Variants in GID8 observed in about 807,000 individuals in gnomAD.
GID8 encodes glucose-induced degradation protein 8 homolog.
A neutral mutation model predicts 27.4 loss-of-function variants in GID8; 6 were observed. That is an observed-to-expected ratio of 0.22 (90% CI 0.12 to 0.43). The LOEUF (loss-of-function observed/expected upper bound fraction) is 0.43, where lower values mean the gene tolerates loss of function less well. GID8 is among the 20% of genes least tolerant of loss of function. The pLI is 1.00. For missense variants in GID8, 173 were observed against 287.6 expected (o/e 0.60, Z 2.88); for synonymous variants, 112 against 109.0 (o/e 1.03, Z -0.17).
rs1033585675 is a variant in GID8 at position 62,948,288 on chromosome 20, C to T, written c.*3376C>T. 6.6e-6 allele frequency: 1 copy of T among 152,202 alleles called. No homozygotes were observed. Among genetic ancestry groups the T allele is most frequent in the African/African-American group, 2.4e-5 (1 of 41,448 alleles). 9.4% of individuals were successfully genotyped at this position (152,202 alleles called of 1,614,324 possible). ...TCATATTTTTTGCAAATTGTATTGT[C>T]AACATGGGTCATTTAAAGTCCTGTA... On this transcript the variant is annotated 3_prime_UTR_variant, in exon 5 of 5. Transcript: ENST00000266069.
At position 62,946,811 on chromosome 20, in the gene GID8, T is replaced by C. The variant is rs2147635873; in HGVS notation, c.*1899T>C. On this transcript the variant is annotated 3_prime_UTR_variant, in exon 5 of 5. Coordinates refer to ENST00000266069, the MANE Select transcript of GID8 (RefSeq NM_017896.3). ...TATAGCAGAAGCTAGAAGAAAGCGG[T>C]GAGGTGAGAGAGATGCATCTGCACG... 6.6e-6 allele frequency: 1 copy of C among 152,294 alleles called. No homozygotes were observed. The highest frequency in any genetic ancestry group is 2.4e-5 in the African/African-American group (1 of 41,566). The allele number at this position is 152,294 out of a possible 1,614,324, so 9.4% of individuals were successfully genotyped here. A position where few individuals can be genotyped will look rare whatever the true frequency, so the allele number is the denominator to read the frequency against.
rs1425189776 is a variant in GID8, at chr20:62,945,509, GT to G, written c.*603del. On this transcript the variant is annotated 3_prime_UTR_variant, in exon 5 of 5. Coordinates refer to ENST00000266069, the MANE Select transcript of GID8 (RefSeq NM_017896.3). ...GGGGATGCGTGTGAGGGGGCTATGT[GT>G]TTTTTAATTTTTTAAATATATATTT... 3 of 1,046,186 alleles carry G rather than the reference GT, an allele frequency of 2.9e-6. No homozygotes were observed. The highest frequency in any genetic ancestry group is 9.3e-4 in the Middle Eastern group (2 of 2,148). The allele number at this position is 1,046,186 out of a possible 1,614,324, so 64.8% of individuals were successfully genotyped here.
At chr20:62,942,200 T>G (rs976082697) in intron 2 of GID8, among the ~76,000 whole-genome samples, 1 of 152,172 alleles carries the variant, frequency 6.6e-6, no homozygotes, top group Non-Finnish European at 1.5e-5. Context: ...ATGCTTATAG[T>G]CCCAGCACTT....
intron 1 of GID8, among the ~76,000 whole-genome samples, chr20:62,939,361 A>G (rs1003950750): frequency 9.9e-5 from 15 of 151,868 alleles, no homozygotes; most frequent in African/African-American, 1.5e-4. Flanking sequence ...TTCCCTATCT[A>G]CGCTCTTCCT....
In GID8 at chr20:62,943,308, A is replaced by T. The variant is rs2254953; in HGVS notation, c.315+125A>T. On this transcript the variant is annotated intron_variant, in intron 3 of 4. Coordinates refer to ENST00000266069, the MANE Select transcript of GID8 (RefSeq NM_017896.3). The surrounding 1 kb of genome is among the most constrained non-coding windows in gnomAD (Gnocchi z 4.7). ...TTATTTCAATGCATGTGAGGGGGAG[A>T]GGTTTGAGTTTGCTCTTTTATGTAG... 1 of 922,422 alleles carries T rather than the reference A, an allele frequency of 1.1e-6. No individual in the cohort carries two copies. The highest frequency in any genetic ancestry group is 1.7e-6 in the Non-Finnish European group (1 of 602,620). 57.1% of individuals were successfully genotyped at this position (922,422 alleles called of 1,614,324 possible). A position where few individuals can be genotyped will look rare whatever the true frequency, so the allele number is the denominator to read the frequency against.
rs2065462864 is a variant in GID8 at position 62,945,587 on chromosome 20, C to T, written c.*675C>T. On this transcript the variant is annotated 3_prime_UTR_variant, in exon 5 of 5. Coordinates refer to ENST00000266069, the MANE Select transcript of GID8 (RefSeq NM_017896.3). The stretch of plus-strand genomic sequence containing the variant: ...TTCCTAGTGGATCAATGAACCATCT[C>T]TTCTGGGCAGTTTTGTTGAAAATAA... The T allele has an allele frequency of 4.3e-6, 5 of 1,163,476 alleles. No homozygotes were observed. Among genetic ancestry groups the T allele is most frequent in the Middle Eastern group, 7.9e-4 (2 of 2,524 alleles). The allele number at this position is 1,163,476 out of a possible 1,614,324, so 72.1% of individuals were successfully genotyped here.
chr20:62,945,913 C>T lies in GID8; in HGVS notation c.*1001C>T. The T allele has an allele frequency of 7.8e-7, 1 of 1,289,486 alleles. No homozygotes were observed. The highest frequency in any genetic ancestry group is 1.0e-6 in the Non-Finnish European group (1 of 988,822). The allele number at this position is 1,289,486 out of a possible 1,614,324, so 79.9% of individuals were successfully genotyped here. ...AGCATCTCGGCAGCATCTCATCCTC[C>T]ATCGTCAGCTGGCTCTGCCGATGTC... On this transcript the variant is annotated 3_prime_UTR_variant, in exon 5 of 5. Coordinates refer to ENST00000266069, the MANE Select transcript of GID8 (RefSeq NM_017896.3).
rs2065469757 is a variant in GID8 at position 62,947,103 on chromosome 20, G to C, written c.*2191G>C. On this transcript the variant is annotated 3_prime_UTR_variant, in exon 5 of 5. Transcript: ENST00000266069. ...CAGCCAGTGGGTAGCTGATAAGCCA[G>C]TGCCAGCATCCAGCATGAGCAGATG... 6.6e-6 allele frequency: 1 copy of C among 152,258 alleles called. No homozygotes were observed. Among genetic ancestry groups the C allele is most frequent in the African/African-American group, 2.4e-5 (1 of 41,458 alleles). 9.4% of individuals were successfully genotyped at this position (152,258 alleles called of 1,614,324 possible).
chr20:62,944,686 C>T (rs1047412390), intron 4 of GID8, 53 bp from the exon 5 acceptor site: 21 of 1,248,350 alleles, frequency 1.7e-5, no homozygotes, highest in Non-Finnish European at 2.2e-5. Context: ...TTAATAGACT[C>T]TGCTGGTGCT....
rs1453378086 is a variant in GID8 at position 62,946,980 on chromosome 20, GTCTC to G, written c.*2071_*2074del. 1 of 152,238 alleles carries G rather than the reference GTCTC, an allele frequency of 6.6e-6. No homozygotes were observed. The highest frequency in any genetic ancestry group is 6.5e-5 in the Admixed American group (1 of 15,288). 9.4% of individuals were successfully genotyped at this position (152,238 alleles called of 1,614,324 possible). On this transcript the variant is annotated 3_prime_UTR_variant, in exon 5 of 5. Coordinates refer to ENST00000266069, the MANE Select transcript of GID8 (RefSeq NM_017896.3). ...GGTGTGAGAAGCACAGCAATAGGAA[GTCTC>G]TCCACAAACTAGGGGAACACAAATG...
rs557078316 is a variant in GID8 at position 62,938,155 on chromosome 20, A to T, written c.-111A>T. On this transcript the variant is annotated 5_prime_UTR_variant, in exon 1 of 5. Transcript: ENST00000266069. ...GCGGCCCCCACCTCTGCCTCCTTCT[A>T]CTCGGGCGCCCCGGCGGCCGCCACC... is the stretch of plus-strand genomic sequence containing the variant. 2,946 of 271,986 alleles carry T rather than the reference A, an allele frequency of 0.011. 92 individuals are homozygous for T. The highest frequency in any genetic ancestry group is 0.061 in the African/African-American group (2,740 of 44,648). The allele number at this position is 271,986 out of a possible 1,614,324, so 16.8% of individuals were successfully genotyped here.
Position 62,943,213 on chromosome 20 carries a change from G to A in GID8, c.315+30G>A. ...GTTTCAGGAGAGAGTAGTCTGGTTT[G>A]TGAATACTTGATAAGTTAAAGTTAT... On this transcript the variant is annotated intron_variant, in intron 3 of 4. Coordinates refer to ENST00000266069, the MANE Select transcript of GID8 (RefSeq NM_017896.3). This position sits in a 1 kb window ranked among gnomAD's most constrained non-coding sequence, Gnocchi z 4.7. 1 of 1,475,638 alleles carries A rather than the reference G, an allele frequency of 6.8e-7. No homozygotes were observed. 91.4% of individuals were successfully genotyped at this position (1,475,638 alleles called of 1,614,324 possible). A position where few individuals can be genotyped will look rare whatever the true frequency, so the allele number is the denominator to read the frequency against.
Position 62,944,769 on chromosome 20 carries a change from G to C in GID8, c.544G>C (p.Asp182His). Residue 182 changes from aspartate to histidine, a missense_variant, in exon 5 of 5, where the codon GAT (aspartate) becomes CAT (histidine). Physicochemically the swap from Asp to His is moderately conservative, Grantham distance 81. Transcript: ENST00000266069. ...VWSEVNQAVL[D>H]YENRESTPKL... is the part of the protein sequence containing the mutation. ...GAGTGAAGTTAACCAAGCTGTGCTA[G>C]ATTATGAAAATCGCGAGTCAACACC... 1 of 1,614,076 alleles carries C rather than the reference G, an allele frequency of 6.2e-7. No homozygotes were observed. The highest frequency in any genetic ancestry group is 8.5e-7 in the Non-Finnish European group (1 of 1,179,898).
rs1294700565 is a variant in GID8, at chr20:62,944,896, T to A, written c.671T>A (p.Ile224Asn). ...ATGACAGACCTCAGCAAGGGTGTGA[T>A]TGAGGAGCCCAAGTAGCGCCTGCGC... ...PKMTDLSKGV[I>N]EEPK Residue 224 changes from isoleucine to asparagine, a missense_variant, in exon 5 of 5, where the codon ATT (isoleucine) becomes AAT (asparagine). Transcript: ENST00000266069. The A allele has an allele frequency of 6.2e-7, 1 of 1,612,802 alleles. No homozygotes were observed. The highest frequency in any genetic ancestry group is 1.7e-5 in the Admixed American group (1 of 59,912).
At chr20:62,938,381 G>A (rs1287628884) in intron 1 of GID8, 128 bp downstream of exon 1, 1 of 151,714 alleles carries the variant, frequency 6.6e-6, no homozygotes, top group African/African-American at 2.4e-5. Flanking sequence ...CGCCGGCGCT[G>A]GCAGGTGCGG....
rs1398964025 is a variant in GID8, at chr20:62,943,860, A to G, written c.513+168A>G. 1.5e-4 allele frequency among the ~76,000 whole-genome samples: 19 copies of G among 128,838 alleles called. No homozygotes were observed. Among genetic ancestry groups the G allele is most frequent in the African/African-American group, 3.7e-4 (13 of 35,148 alleles). The allele number at this position is 128,838 out of a possible 152,430, so 84.5% of individuals were successfully genotyped here. On this transcript the variant is annotated intron_variant, in intron 4 of 4. Coordinates refer to ENST00000266069, the MANE Select transcript of GID8 (RefSeq NM_017896.3). The surrounding 1 kb of genome is among the most constrained non-coding windows in gnomAD (Gnocchi z 4.7). Reference sequence around the variant, plus strand: ...GCTTTTTTTTTTTTTTTTGGAGGTGAAGTCTTGTTCTGTCGCCCAGGCTGG... The same window carrying G: ...GCTTTTTTTTTTTTTTTTGGAGGTGGAGTCTTGTTCTGTCGCCCAGGCTGG...
rs192577220 is a variant in GID8 at position 62,946,205 on chromosome 20, G to A, written c.*1293G>A. 6 of 353,082 alleles carry A rather than the reference G, an allele frequency of 1.7e-5. No individual in the cohort carries two copies. Among genetic ancestry groups the A allele is most frequent in the Non-Finnish European group, 2.2e-5 (4 of 183,860 alleles). The allele number at this position is 353,082 out of a possible 1,614,324, so 21.9% of individuals were successfully genotyped here. On this transcript the variant is annotated 3_prime_UTR_variant, in exon 5 of 5. Coordinates refer to ENST00000266069, the MANE Select transcript of GID8 (RefSeq NM_017896.3). Reference sequence around the variant, plus strand: ...TTTGGAGCCAGTGGAGCCTGCCGGCGCATCTGAGGGGCAGAATGCTGCTAG... The same window carrying A: ...TTTGGAGCCAGTGGAGCCTGCCGGCACATCTGAGGGGCAGAATGCTGCTAG...
chr20:62,947,688 C>G lies in GID8; in HGVS notation c.*2776C>G, dbSNP rs899151791. The G allele has an allele frequency of 2.6e-5, 4 of 152,282 alleles. No individual in the cohort carries two copies. The highest frequency in any genetic ancestry group is 5.9e-5 in the Non-Finnish European group (4 of 68,046). 9.4% of individuals were successfully genotyped at this position (152,282 alleles called of 1,614,324 possible). A position where few individuals can be genotyped will look rare whatever the true frequency, so the allele number is the denominator to read the frequency against. On this transcript the variant is annotated 3_prime_UTR_variant, in exon 5 of 5. Coordinates refer to ENST00000266069, the MANE Select transcript of GID8 (RefSeq NM_017896.3). ...CTCCAGTTTCTAGAAAAGGCAGACA[C>G]TGGTTGGGACCAAAGTCTCCATGGC...
chr20:62,939,250 C>T (rs1298886040), intron 1 of GID8, among the ~76,000 whole-genome samples: 1 of 152,182 alleles, frequency 6.6e-6, no homozygotes, highest in Non-Finnish European at 1.5e-5. Context: ...CTGGTTTCTC[C>T]TCCACTTTAC....
Sources: gnomAD v4.1 joint callset for allele counts (sites outside exome capture counted in the v4.1 genomes callset) on GRCh38, gnomAD v4.1.1 for gene constraint, Gnocchi (gnomAD v3.1) non-coding constraint, MANE v1.5 for transcripts, NCBI Gene and HGNC (gene_info 2026-07-23, HGNC 2026-07-21) for gene names.